Variants in CTNNA3 observed in about 807,000 individuals in gnomAD.
CTNNA3 encodes the protein catenin alpha 3, also known as catenin alpha-3.
CTNNA3 carries 76 observed loss-of-function variants against 95.7 expected under a neutral mutation model. The ratio of observed to expected loss-of-function variants is 0.79; its 90% CI spans 0.66 to 0.96. The LOEUF (loss-of-function observed/expected upper bound fraction) is 0.96, where lower values mean the gene tolerates loss of function less well. Ranked by LOEUF, CTNNA3 falls within the 40% of genes least tolerant of loss-of-function variation. The pLI, the probability that CTNNA3 is intolerant of heterozygous loss-of-function variation, is 0.00. For synonymous variants in CTNNA3, 431 were observed against 374.4 expected, an observed-to-expected ratio of 1.15 and a Z score of -1.74; for missense variants, 1,191 against 1,089.8, an observed-to-expected ratio of 1.09 and a Z score of -1.31.
chr10:66,152,211 A>G (rs1471084780), intron 13 of CTNNA3, among the ~76,000 whole-genome samples: 1 of 151,958 alleles, frequency 6.6e-6, no homozygotes, highest in African/African-American at 2.4e-5. Flanking sequence ...CAAGATATTG[A>G]ATTATGAATA....
chr10:65,959,786 G>A (rs1009810907), intron 17 of CTNNA3, among the ~76,000 whole-genome samples: 1 of 152,122 alleles, frequency 6.6e-6, no homozygotes, highest in Non-Finnish European at 1.5e-5. Flanking sequence ...CAAGTGCTGG[G>A]ATTACAGCCC....
chr10:67,620,753 C>T (rs927387702), intron 2 of CTNNA3, among the ~76,000 whole-genome samples: 1 of 151,850 alleles, frequency 6.6e-6, no homozygotes, highest in African/African-American at 2.4e-5. Flanking sequence ...TTTAAATTAA[C>T]GAAATATGGT....
At chr10:67,232,446 C>T (rs1452601723) in intron 5 of CTNNA3, among the ~76,000 whole-genome samples, 11 of 152,128 alleles carry the variant, frequency 7.2e-5, no homozygotes, top group Non-Finnish European at 1.3e-4. Context: ...AAATACTTTA[C>T]AGAGAAGCAA....
At chr10:67,229,846 C>T (rs995098170) in intron 5 of CTNNA3, among the ~76,000 whole-genome samples, 1 of 152,240 alleles carries the variant, frequency 6.6e-6, no homozygotes, top group East Asian at 1.9e-4. Context: ...GGAAACACAT[C>T]CCATGCTCAT....
intron 12 of CTNNA3, among the ~76,000 whole-genome samples, chr10:66,324,488 C>T (rs534919478): frequency 2.0e-4 from 30 of 152,284 alleles, no homozygotes; most frequent in Admixed American, 1.7e-3. Flanking sequence ...ACACTTAAAG[C>T]CATGTGCAGA....
At chr10:67,344,202 GA>G (rs1416162507) in intron 5 of CTNNA3, among the ~76,000 whole-genome samples, 3 of 151,992 alleles carry the variant, frequency 2.0e-5, no homozygotes, top group African/African-American at 7.2e-5. Flanking sequence ...TGTTCATGAT[GA>G]ATGACCTTTT....
intron 9 of CTNNA3, among the ~76,000 whole-genome samples, chr10:66,631,987 A>G (rs1345935853): frequency 6.6e-6 from 1 of 150,564 alleles, no homozygotes; most frequent in Non-Finnish European, 1.5e-5. Flanking sequence ...AATATTATAA[A>G]TTTCATAGCA....
chr10:67,541,133 T>C (rs1032619417), intron 3 of CTNNA3, among the ~76,000 whole-genome samples: 2 of 151,884 alleles, frequency 1.3e-5, no homozygotes, highest in African/African-American at 4.8e-5. Flanking sequence ...ACATATATCT[T>C]TACATGCATG....
chr10:66,624,377 CTA>C (rs1230698138), intron 9 of CTNNA3, among the ~76,000 whole-genome samples: 1 of 152,066 alleles, frequency 6.6e-6, no homozygotes, highest in African/African-American at 2.4e-5. Flanking sequence ...TCCATTTAAT[CTA>C]TCTCTCAACT....
At chr10:67,496,080 A>C (rs1839013445) in intron 5 of CTNNA3, among the ~76,000 whole-genome samples, 1 of 152,202 alleles carries the variant, frequency 6.6e-6, no homozygotes, top group Non-Finnish European at 1.5e-5. Context: ...TATATTTCTT[A>C]TATCGAGCAC....
chr10:66,597,527 TA>T (rs1843755554), intron 10 of CTNNA3, among the ~76,000 whole-genome samples: 1 of 119,654 alleles, frequency 8.4e-6, no homozygotes, highest in African/African-American at 3.3e-5. Context: ...TATATATATA[TA>T]TATATATATA....
Position 66,927,600 on chromosome 10 carries a change from G to A in CTNNA3, c.1048-152076C>T, listed in dbSNP as rs774858879. 1 of 1,614,132 alleles carries A rather than the reference G, an allele frequency of 6.2e-7. No homozygotes were observed. Among genetic ancestry groups the A allele is most frequent in the Non-Finnish European group, 8.5e-7 (1 of 1,180,016 alleles). On this transcript the variant is annotated intron_variant, in intron 7 of 17. Coordinates refer to ENST00000433211, the MANE Select transcript of CTNNA3 (RefSeq NM_013266.4). The surrounding 1 kb of genome is among the most constrained non-coding windows in gnomAD (Gnocchi z 4.7). ...TCAACCTGGCCCTTTTTCCAAGGTTGGTCAGCCTTCAGAACCTTTACTTGC... is the reference window on the plus strand; with the variant it reads ...TCAACCTGGCCCTTTTTCCAAGGTTAGTCAGCCTTCAGAACCTTTACTTGC...
intron 15 of CTNNA3, among the ~76,000 whole-genome samples, chr10:66,022,908 C>T (rs2079251302): frequency 1.3e-5 from 2 of 152,142 alleles, no homozygotes; most frequent in East Asian, 1.9e-4. Context: ...TGTTTAATTT[C>T]CACCTCTTCT....
chr10:65,937,582 T>G (rs1589148405), intron 17 of CTNNA3, among the ~76,000 whole-genome samples: 1 of 152,266 alleles, frequency 6.6e-6, no homozygotes, highest in South Asian at 2.1e-4. Flanking sequence ...AACACCATTC[T>G]CCTCTTTCAA....
Position 67,039,940 on chromosome 10 carries a change from G to A in CTNNA3, c.1047+140377C>T, listed in dbSNP as rs143979503. ...TTGGAGATAGCCAACCCACCAATCT[G>A]TCATAAAGCATATTAGCTGTCTGGG... On this transcript the variant is annotated intron_variant, in intron 7 of 17. Transcript: ENST00000433211. Among the ~76,000 whole-genome samples, 402 of 152,248 alleles carry A rather than the reference G, an allele frequency of 2.6e-3. 4 individuals carry two copies. The highest frequency in any genetic ancestry group is 9.3e-3 in the African/African-American group (386 of 41,540).
chr10:66,418,092 A>G (rs1357165557), intron 11 of CTNNA3, among the ~76,000 whole-genome samples: 11 of 144,234 alleles, frequency 7.6e-5, no homozygotes, highest in African/African-American at 2.9e-4. Flanking sequence ...TTTTGAAAGT[A>G]TAAACAAAAT....
chr10:66,360,664 TTC>T (rs1564896299), intron 12 of CTNNA3, among the ~76,000 whole-genome samples: 1,117 of 57,896 alleles, frequency 0.019, 79 homozygotes, highest in Non-Finnish European at 0.028. Context: ...TCTTTCTTCC[TTC>T]CTTCCTTCCT....
intron 12 of CTNNA3, among the ~76,000 whole-genome samples, chr10:66,343,183 A>G (rs1183059820): frequency 6.6e-6 from 1 of 152,072 alleles, no homozygotes; most frequent in Admixed American, 6.6e-5. Context: ...TCAAAAAGCT[A>G]CAAATAGGAC....
At chr10:65,922,534 A>G (rs959931001) in intron 17 of CTNNA3, among the ~76,000 whole-genome samples, 1 of 152,220 alleles carries the variant, frequency 6.6e-6, no homozygotes, top group African/African-American at 2.4e-5. Context: ...CAATAAGGCA[A>G]AGAAGAACCA....
Sources: gnomAD v4.1 joint callset for allele counts (sites outside exome capture counted in the v4.1 genomes callset) on GRCh38, gnomAD v4.1.1 for gene constraint, Gnocchi (gnomAD v3.1) non-coding constraint, MANE v1.5 for transcripts, NCBI Gene and HGNC (gene_info 2026-07-23, HGNC 2026-07-21) for gene names.